The following SRBD1 variants were observed in gnomAD, a reference collection of about 807,000 sequenced individuals.
SRBD1 encodes the protein S1 RNA binding domain 1, also known as S1 RNA-binding domain-containing protein 1.
Under a neutral mutation model 115.3 loss-of-function variants are expected in SRBD1, and 88 were observed. The ratio of observed to expected loss-of-function variants is 0.76; its 90% CI spans 0.64 to 0.91. SRBD1 has a LOEUF of 0.91. SRBD1 is among the 40% of genes least tolerant of loss of function. SRBD1 has a pLI of 0.00. For synonymous variants in SRBD1, 509 were observed against 407.7 expected, an observed-to-expected ratio of 1.25 and a Z score of -2.99; for missense variants, 1,385 against 1,177.4, an observed-to-expected ratio of 1.18 and a Z score of -2.58.
intron 11 of SRBD1, 118 bp downstream of exon 11, chr2:45,553,505 G>A (rs1221021651): frequency 7.6e-5 from 42 of 553,272 alleles, no homozygotes; most frequent in Non-Finnish European, 8.8e-6. Flanking sequence ...ACTTTGTGAT[G>A]CTGACTAAAT....
intron 17 of SRBD1, 65 bp from the exon 18 acceptor site, chr2:45,418,606 T>C (rs1667904995): frequency 3.4e-6 from 5 of 1,457,598 alleles, no homozygotes; most frequent in Non-Finnish European, 4.6e-6. Context: ...ATATAAAACA[T>C]TTGGATCATA....
intron 9 of SRBD1, among the ~76,000 whole-genome samples, chr2:45,570,428 G>A (rs1672970335): frequency 6.6e-6 from 1 of 152,114 alleles, no homozygotes; most frequent in Admixed American, 6.5e-5. Context: ...TTTATATAAC[G>A]TTAAAAGCCA....
At chr2:45,497,866 C>A (rs1185261450) in intron 14 of SRBD1, among the ~76,000 whole-genome samples, 4 of 152,054 alleles carry the variant, frequency 2.6e-5, no homozygotes, top group Non-Finnish European at 5.9e-5. Context: ...GAAACCCTGT[C>A]TCTACTAAAA....
At chr2:45,547,373 T>A (rs937832174) in intron 13 of SRBD1, 149 bp downstream of exon 13, 2 of 627,252 alleles carry the variant, frequency 3.2e-6, no homozygotes, top group African/African-American at 3.7e-5. Context: ...TGCAGAGTTC[T>A]CCAGCAATTT....
At position 45,608,174 on chromosome 2, in the gene SRBD1, C is replaced by A. The variant is rs568051190; in HGVS notation, c.1-2733G>T. ...CTTATGTTTTTGCTTAACCATTATC[C>A]TTAAAGAAGGCTCCCCTAAATCAAA... On this transcript the variant is annotated intron_variant, in intron 1 of 20. Coordinates refer to ENST00000263736, the MANE Select transcript of SRBD1 (RefSeq NM_018079.5). Among the ~76,000 whole-genome samples the A allele has an allele frequency of 3.1e-4, 47 of 152,314 alleles. 1 individual carries two copies. Among genetic ancestry groups the A allele is most frequent in the African/African-American group, 1.1e-3 (44 of 41,570 alleles).
chr2:45,541,076 G>A, intron 14 of SRBD1, among the ~76,000 whole-genome samples: 1 of 152,246 alleles, frequency 6.6e-6, no homozygotes, highest in Non-Finnish European at 1.5e-5. Flanking sequence ...ACCCTGCCAA[G>A]GGTGAGCCAG....
Position 45,491,704 on chromosome 2 carries a change from T to G in SRBD1, c.1875-3373A>C, listed in dbSNP as rs943089572. On this transcript the variant is annotated intron_variant, in intron 14 of 20. Transcript: ENST00000263736. ...AGCACTATTTTTAGGATTTTTATTT[T>G]AAGGAAACAAACCACACACTTATAA... Among the ~76,000 whole-genome samples, 3 of 152,240 alleles carry G rather than the reference T, an allele frequency of 2.0e-5. 1 individual carries two copies. Among genetic ancestry groups the G allele is most frequent in the East Asian group, 3.8e-4 (2 of 5,206 alleles).
intron 20 of SRBD1, among the ~76,000 whole-genome samples, chr2:45,389,870 T>C (rs904341980): frequency 6.6e-6 from 1 of 152,192 alleles, no homozygotes; most frequent in African/African-American, 2.4e-5. Flanking sequence ...GAGAAGACAG[T>C]CTTATTTTCC....
chr2:45,579,684 G>A (rs1265521626), intron 7 of SRBD1, among the ~76,000 whole-genome samples, 191 bp downstream of exon 7: 1 of 151,884 alleles, frequency 6.6e-6, no homozygotes, highest in African/African-American at 2.4e-5. Context: ...GACTAGAACA[G>A]GCACTTCATC....
intron 14 of SRBD1, among the ~76,000 whole-genome samples, chr2:45,498,803 G>A (rs1412408898): frequency 6.6e-6 from 1 of 152,074 alleles, no homozygotes; most frequent in African/African-American, 2.4e-5. Flanking sequence ...GTTCCATCCA[G>A]GCTGCTGCAA....
intron 14 of SRBD1, among the ~76,000 whole-genome samples, chr2:45,513,934 T>G (rs904500788): frequency 1.3e-5 from 2 of 152,172 alleles, no homozygotes; most frequent in African/African-American, 2.4e-5. Context: ...GTGGAAAGGC[T>G]GCATGGTGTG....
chr2:45,454,096 C>A (rs1669080741), intron 16 of SRBD1, among the ~76,000 whole-genome samples: 1 of 151,954 alleles, frequency 6.6e-6, no homozygotes, highest in Non-Finnish European at 1.5e-5. Flanking sequence ...CTAGCAGGAT[C>A]TATTAGCCAA....
At chr2:45,605,506 G>C (rs1242865515) in intron 1 of SRBD1, 65 bp from the exon 2 acceptor site, 3 of 1,404,328 alleles carry the variant, frequency 2.1e-6, no homozygotes, top group African/African-American at 2.9e-5. Flanking sequence ...TTGGCTACAA[G>C]TAATGGGTCA....
At chr2:45,564,254 T>TA (rs148363819) in intron 9 of SRBD1, among the ~76,000 whole-genome samples, 3,449 of 152,128 alleles carry the variant, frequency 0.023, 138 homozygotes, top group African/African-American at 0.079. Context: ...CCCTTCATGA[T>TA]AAAAAACACT....
chr2:45,452,106 A>C (rs1242484326), intron 16 of SRBD1, among the ~76,000 whole-genome samples: 2 of 152,022 alleles, frequency 1.3e-5, no homozygotes, highest in African/African-American at 4.8e-5. Context: ...TAAATGCTAC[A>C]AACTGTTCAA....
chr2:45,580,927 C>A (rs183003266), intron 6 of SRBD1, among the ~76,000 whole-genome samples: 290 of 151,672 alleles, frequency 1.9e-3, no homozygotes, highest in Middle Eastern at 0.01. Flanking sequence ...TCGTGATCAG[C>A]CCACCTCGGC....
intron 16 of SRBD1, among the ~76,000 whole-genome samples, chr2:45,433,383 C>T (rs1195152343): frequency 6.6e-6 from 1 of 151,858 alleles, no homozygotes; most frequent in East Asian, 1.9e-4. Flanking sequence ...CTGTATGTGA[C>T]AAACATATAC....
At chr2:45,392,516 T>C (rs1021577544) in intron 20 of SRBD1, among the ~76,000 whole-genome samples, 3 of 152,224 alleles carry the variant, frequency 2.0e-5, no homozygotes, top group African/African-American at 7.2e-5. Context: ...ATTTGTTCAA[T>C]GGGTTCATTG....
intron 4 of SRBD1, among the ~76,000 whole-genome samples, chr2:45,591,454 G>C (rs554217166): frequency 6.6e-6 from 1 of 152,284 alleles, no homozygotes; most frequent in East Asian, 1.9e-4. Flanking sequence ...TTTCCACACA[G>C]CTGGGTCTGT....
Sources: gnomAD v4.1 joint callset for allele counts (sites outside exome capture counted in the v4.1 genomes callset) on GRCh38, gnomAD v4.1.1 for gene constraint, MANE v1.5 for transcripts, NCBI Gene and HGNC (gene_info 2026-07-23, HGNC 2026-07-21) for gene names.